The following ADORA2A variants were observed in gnomAD, a reference collection of about 807,000 sequenced individuals.
The protein encoded by ADORA2A is adenosine A2a receptor, also known as adenosine receptor A2a.
Under a neutral mutation model 18.4 loss-of-function variants are expected in ADORA2A, and 11 were observed. That is an observed-to-expected ratio of 0.60 (90% CI 0.38 to 0.99). ADORA2A has a LOEUF of 0.99. Among genes scored for constraint, ADORA2A ranks in the 50% least tolerant of loss-of-function variants. The pLI is 0.01. For missense variants in ADORA2A, 449 were observed against 556.1 expected (o/e 0.81, Z 1.94); for synonymous variants, 218 against 237.3 (o/e 0.92, Z 0.75).
At chr22:24,425,397 G>A (rs1035677074), upstream of ADORA2A, among the ~76,000 whole-genome samples, 1 of 142,704 alleles carries the variant, frequency 7.0e-6, no homozygotes, top group Non-Finnish European at 1.5e-5. Flanking sequence ...TCACAGGCTG[G>A]TCCACGGCCA....
At chr22:24,426,130 C>G (rs534626157), upstream of ADORA2A, among the ~76,000 whole-genome samples, 19 of 152,260 alleles carry the variant, frequency 1.2e-4, no homozygotes, top group Admixed American at 4.6e-4. Context: ...CTGGGCAGTG[C>G]CTGCTGTGTG....
intron 2 of ADORA2A, 61 bp downstream of exon 2, chr22:24,433,797 C>T: frequency 2.0e-6 from 3 of 1,524,950 alleles, no homozygotes; most frequent in Admixed American, 3.6e-5. Context: ...TTGGTCTGTG[C>T]CCGGAGCCAG....
In ADORA2A at chr22:24,427,672, C is replaced by G. The variant is rs1025657239; in HGVS notation, c.-349C>G. ...CCCAGCCAAGCTGCTTTCAGCACAG[C>G]GTGGGCCCCCAGCACCTTGGTGCGG... On this transcript the variant is annotated 5_prime_UTR_variant, in exon 1 of 3. Transcript: ENST00000337539. 1 of 152,366 alleles carries G rather than the reference C, an allele frequency of 6.6e-6. No individual in the cohort carries two copies. The highest frequency in any genetic ancestry group is 1.5e-5 in the Non-Finnish European group (1 of 68,140). The allele number at this position is 152,366 out of a possible 1,614,324, so 9.4% of individuals were successfully genotyped here. A position where few individuals can be genotyped will look rare whatever the true frequency, so the allele number is the denominator to read the frequency against.
rs767630663 is a variant in ADORA2A at position 24,441,654 on chromosome 22, C to T, written c.*165C>T. ...AGCCCCAGGCTGGAGCAGCATGAGG[C>T]CCAGCAAGAAGGGCTTGGGTTCTGA... On this transcript the variant is annotated 3_prime_UTR_variant, in exon 3 of 3. Coordinates refer to ENST00000337539, the MANE Select transcript of ADORA2A (RefSeq NM_000675.6). 1 of 647,558 alleles carries T rather than the reference C, an allele frequency of 1.5e-6. No homozygotes were observed. The highest frequency in any genetic ancestry group is 3.7e-5 in the Admixed American group (1 of 26,758). The allele number at this position is 647,558 out of a possible 1,614,324, so 40.1% of individuals were successfully genotyped here.
At chr22:24,435,504 C>T (rs947996147) in intron 2 of ADORA2A, among the ~76,000 whole-genome samples, 51 of 152,212 alleles carry the variant, frequency 3.4e-4, no homozygotes, top group Admixed American at 3.3e-3. Flanking sequence ...TTTGTCTCTC[C>T]CTTTCCTTCT....
chr22:24,435,283 C>A (rs2043145865), intron 2 of ADORA2A, among the ~76,000 whole-genome samples: 1 of 152,202 alleles, frequency 6.6e-6, no homozygotes, highest in African/African-American at 2.4e-5. Flanking sequence ...CAGCTCAGAA[C>A]ACGGAGGCCC....
intron 2 of ADORA2A, among the ~76,000 whole-genome samples, chr22:24,435,717 G>A (rs2043157260): frequency 6.6e-6 from 1 of 152,178 alleles, no homozygotes; most frequent in African/African-American, 2.4e-5. Flanking sequence ...GAGGGTTGGA[G>A]GCGTGGGGAG....
In ADORA2A at chr22:24,441,130, G is replaced by A. The variant is rs1390389374; in HGVS notation, c.880G>A (p.Glu294Lys). ...NPFIYAYRIR[E>K]FRQTFRKIIR... ...CTTCATCTACGCCTACCGTATCCGCGAGTTCCGCCAGACCTTCCGCAAGAT... is the reference window on the plus strand; with the variant it reads ...CTTCATCTACGCCTACCGTATCCGCAAGTTCCGCCAGACCTTCCGCAAGAT... Residue 294 changes from glutamate (E) to lysine (K), a missense_variant, in exon 3 of 3, where the codon GAG (glutamate) becomes AAG (lysine). By Grantham distance (56) the Glu-to-Lys change is moderately conservative. Transcript: ENST00000337539. The A allele has an allele frequency of 2.5e-6, 4 of 1,614,146 alleles. No homozygotes were observed. Among genetic ancestry groups the A allele is most frequent in the East Asian group, 2.2e-5 (1 of 44,886 alleles).
chr22:24,425,347 C>G (rs947575904), upstream of ADORA2A, among the ~76,000 whole-genome samples: 2,479 of 136,906 alleles, frequency 0.018, 299 homozygotes, highest in African/African-American at 0.06. Context: ...ACCCCCCCCC[C>G]CCCCGCCCAA....
rs1291789438 is a variant in ADORA2A at position 24,441,640 on chromosome 22, G to A, written c.*151G>A. 2.6e-6 allele frequency: 2 copies of A among 757,450 alleles called. No individual in the cohort carries two copies. The highest frequency in any genetic ancestry group is 5.9e-5 in the East Asian group (2 of 33,754). The allele number at this position is 757,450 out of a possible 1,614,324, so 46.9% of individuals were successfully genotyped here. Reference sequence around the variant, plus strand: ...GACTGAGAGAAGGGAGCCCCAGGCTGGAGCAGCATGAGGCCCAGCAAGAAG... The same window carrying A: ...GACTGAGAGAAGGGAGCCCCAGGCTAGAGCAGCATGAGGCCCAGCAAGAAG... On this transcript the variant is annotated 3_prime_UTR_variant, in exon 3 of 3. Coordinates refer to ENST00000337539, the MANE Select transcript of ADORA2A (RefSeq NM_000675.6).
At chr22:24,423,784 C>A (rs527457396), upstream of ADORA2A, 1 of 152,168 alleles carries the variant, frequency 6.6e-6, no homozygotes, top group Admixed American at 6.5e-5. Flanking sequence ...CGCCTGCGGG[C>A]CTCGCGGGCC....
upstream of ADORA2A, among the ~76,000 whole-genome samples, chr22:24,426,104 A>G (rs558360781): frequency 2.6e-5 from 4 of 152,312 alleles, no homozygotes; most frequent in East Asian, 5.8e-4. Context: ...CACGTCCTGC[A>G]AAGTCCAGGT....
rs540352216 is a variant in ADORA2A, at chr22:24,427,674, T to G, written c.-347T>G. 3.3e-5 allele frequency: 5 copies of G among 152,462 alleles called. No individual in the cohort carries two copies. The highest frequency in any genetic ancestry group is 3.3e-4 in the Admixed American group (5 of 15,314). The allele number at this position is 152,462 out of a possible 1,614,324, so 9.4% of individuals were successfully genotyped here. On this transcript the variant is annotated 5_prime_UTR_variant, in exon 1 of 3. Transcript: ENST00000337539. ...CAGCCAAGCTGCTTTCAGCACAGCG[T>G]GGGCCCCCAGCACCTTGGTGCGGGG... is the stretch of plus-strand genomic sequence containing the variant.
intron 2 of ADORA2A, chr22:24,439,270 G>C (rs1263628388): frequency 1.3e-5 from 2 of 151,520 alleles, no homozygotes; most frequent in African/African-American, 4.9e-5. Context: ...TTTTAGTAGA[G>C]ACAAGGTTTC....
intron 1 of ADORA2A, chr22:24,431,526 C>T (rs1192595577): frequency 4.4e-6 from 2 of 456,738 alleles, no homozygotes; most frequent in South Asian, 1.5e-5. Context: ...GAGTGACTTC[C>T]TCTCCAGGTT....
In ADORA2A at chr22:24,441,162, C is replaced by A; in HGVS notation, c.912C>A (p.Arg304=). The A allele has an allele frequency of 6.2e-7, 1 of 1,614,230 alleles. No individual in the cohort carries two copies. The highest frequency in any genetic ancestry group is 8.5e-7 in the Non-Finnish European group (1 of 1,180,054). ...GCCAGACCTTCCGCAAGATCATTCG[C>A]AGCCACGTCCTGAGGCAGCAAGAAC... ...EFRQTFRKII[R]SHVLRQQEPF... The change falls in exon 3 of 3, where the codon CGC becomes CGA. Residue 304 remains arginine (R), a synonymous_variant. Transcript: ENST00000337539.
chr22:24,424,466 G>C (rs1327512019), upstream of ADORA2A: 1 of 152,296 alleles, frequency 6.6e-6, no homozygotes, highest in Non-Finnish European at 1.5e-5. This position sits in a 1 kb window ranked among gnomAD's most constrained non-coding sequence, Gnocchi z 4.9. Flanking sequence ...CGGGGGCGCA[G>C]AGGCGCTTCC....
chr22:24,433,756 C>A lies in ADORA2A; in HGVS notation c.332+20C>A. ...GCTCCGGTGAGCAGGGCCGGGGTTA[C>A]ATCTGTGCAAAGGCTGTTGGTGCCC... On this transcript the variant is annotated intron_variant, in intron 2 of 2. Transcript: ENST00000337539. 6.3e-7 allele frequency: 1 copy of A among 1,595,132 alleles called. No individual in the cohort carries two copies.
chr22:24,432,959 T>C (rs1039792114), intron 1 of ADORA2A, 172 bp from the exon 2 acceptor site: 7 of 198,932 alleles, frequency 3.5e-5, no homozygotes, highest in Admixed American at 5.4e-5. Flanking sequence ...AGGCAGGGCA[T>C]GGGGCTAGGC....
Sources: gnomAD v4.1 joint callset for allele counts (sites outside exome capture counted in the v4.1 genomes callset) on GRCh38, gnomAD v4.1.1 for gene constraint, Gnocchi (gnomAD v3.1) non-coding constraint, MANE v1.5 for transcripts, NCBI Gene and HGNC (gene_info 2026-07-23, HGNC 2026-07-21) for gene names.